AKAP13: variants seen among roughly 807,000 people sequenced by gnomAD.
The protein encoded by AKAP13 is A-kinase anchoring protein 13.
In AKAP13, 80 loss-of-function variants were observed where a neutral mutation model predicts 264.5. That is an observed-to-expected ratio of 0.30 (90% CI 0.25 to 0.36). The LOEUF is 0.36. AKAP13 is among the 10% of genes least tolerant of loss of function. The pLI, the probability that AKAP13 is intolerant of heterozygous loss-of-function variation, is 1.00. For missense variants in AKAP13, 3,712 were observed against 3,435.2 expected (o/e 1.08, Z -2.01); for synonymous variants, 1,380 against 1,250.2 (o/e 1.10, Z -2.19).
At chr15:85,522,056 GATGT>G (rs1445265130) in intron 3 of AKAP13, among the ~76,000 whole-genome samples, 1 of 152,100 alleles carries the variant, frequency 6.6e-6, no homozygotes, top group African/African-American at 2.4e-5. Flanking sequence ...TGTTTCCTGT[GATGT>G]ATATCATATC....
intron 2 of AKAP13, among the ~76,000 whole-genome samples, chr15:85,487,358 A>G (rs1483312019): frequency 1.3e-5 from 2 of 152,228 alleles, no homozygotes; most frequent in Non-Finnish European, 2.9e-5. Flanking sequence ...GAAAGCATCC[A>G]AGCTTTCACC....
At chr15:85,575,017 G>A (rs945600135) in intron 5 of AKAP13, 114 bp from the exon 6 acceptor site, 2 of 912,244 alleles carry the variant, frequency 2.2e-6, no homozygotes, top group Non-Finnish European at 3.4e-6. Context: ...ACTAATTTTT[G>A]CTGTTGAACC....
chr15:85,553,277 AG>A (rs1453707686), intron 5 of AKAP13, among the ~76,000 whole-genome samples: 2 of 152,014 alleles, frequency 1.3e-5, no homozygotes, highest in Non-Finnish European at 2.9e-5. Flanking sequence ...TAGTAGAAAC[AG>A]GGTTTCACCA....
intron 1 of AKAP13, among the ~76,000 whole-genome samples, chr15:85,425,447 G>T (rs181946777): frequency 1.3e-5 from 2 of 152,186 alleles, no homozygotes; most frequent in African/African-American, 4.8e-5. Flanking sequence ...TGGTCCTGGT[G>T]GCTCACACCT....
chr15:85,496,313 T>C (rs2075871662), intron 2 of AKAP13, among the ~76,000 whole-genome samples: 1 of 152,156 alleles, frequency 6.6e-6, no homozygotes, highest in Admixed American at 6.6e-5. Context: ...ATTGGGTTCC[T>C]GTTTACTCCA....
chr15:85,438,539 G>T (rs1459892101), intron 1 of AKAP13, among the ~76,000 whole-genome samples: 1 of 147,194 alleles, frequency 6.8e-6, no homozygotes, highest in East Asian at 2.0e-4. Flanking sequence ...AACAAAGCTG[G>T]AGGCATCACA....
intron 1 of AKAP13, among the ~76,000 whole-genome samples, chr15:85,440,033 C>T (rs1192162712): frequency 6.6e-6 from 1 of 151,864 alleles, no homozygotes; most frequent in East Asian, 1.9e-4. Context: ...GTTAAGGAAG[C>T]ATTTGGAAAT....
chr15:85,660,394 C>T (rs2083291938), intron 12 of AKAP13, among the ~76,000 whole-genome samples: 2 of 134,096 alleles, frequency 1.5e-5, no homozygotes, highest in African/African-American at 2.7e-5. Flanking sequence ...TTATGTCTGT[C>T]TTCCTATCTC....
In AKAP13 at chr15:85,427,112, C is replaced by T. The variant is rs1231725055; in HGVS notation, c.-12+46314C>T. On this transcript the variant is annotated intron_variant, in intron 1 of 36. Transcript: ENST00000394518. Reference sequence around the variant, plus strand: ...CTGGGACTACAGGCGCCCACCACCACGCCCGGCTAATTTTTTGTATTTTTA... The same window carrying T: ...CTGGGACTACAGGCGCCCACCACCATGCCCGGCTAATTTTTTGTATTTTTA... Among the ~76,000 whole-genome samples, 10 of 152,040 alleles carry T rather than the reference C, an allele frequency of 6.6e-5. No homozygotes were observed. The East Asian group carries it at 7.7e-4, about 12-fold the overall frequency.
intron 13 of AKAP13, among the ~76,000 whole-genome samples, chr15:85,667,107 A>G (rs1320951251): frequency 6.6e-6 from 1 of 152,226 alleles, no homozygotes; most frequent in Non-Finnish European, 1.5e-5. Context: ...ATTTCTAATT[A>G]AACAAAAACA....
At position 85,412,794 on chromosome 15, in the gene AKAP13, A is replaced by G. The variant is rs540803482; in HGVS notation, c.-12+31996A>G. ...ATCTTTATAGAAACAACACAGAGGAAAATAATTAGTATCTGCTTTCATAAT... is the reference window on the plus strand; with the variant it reads ...ATCTTTATAGAAACAACACAGAGGAGAATAATTAGTATCTGCTTTCATAAT... On this transcript the variant is annotated intron_variant, in intron 1 of 36. Coordinates refer to ENST00000394518, the MANE Select transcript of AKAP13 (RefSeq NM_007200.5). 3.3e-5 allele frequency among the ~76,000 whole-genome samples: 5 copies of G among 152,352 alleles called. No individual in the cohort carries two copies. In the East Asian group the frequency reaches 7.7e-4, roughly 23 times the overall value.
chr15:85,416,065 G>C (rs192292421), intron 1 of AKAP13, among the ~76,000 whole-genome samples: 5 of 152,288 alleles, frequency 3.3e-5, no homozygotes, highest in Non-Finnish European at 7.3e-5. Flanking sequence ...CAGAAGGATG[G>C]AGCAACTATA....
intron 1 of AKAP13, among the ~76,000 whole-genome samples, chr15:85,479,877 T>C (rs1421061842): frequency 6.6e-6 from 1 of 152,210 alleles, no homozygotes; most frequent in East Asian, 1.9e-4. Context: ...TACATCTGGA[T>C]ACATTCTCAT....
At position 85,655,607 on chromosome 15, in the gene AKAP13, A is replaced by G. The variant is rs763285985; in HGVS notation, c.4565A>G (p.Glu1522Gly). The G allele has an allele frequency of 1.9e-6, 3 of 1,613,546 alleles. No homozygotes were observed. The highest frequency in any genetic ancestry group is 2.7e-5 in the African/African-American group (2 of 75,044). Residue 1522 changes from glutamate (E) to glycine (G), a missense_variant, in exon 11 of 37, where the codon GAA becomes GGA. By Grantham distance (98) the Glu-to-Gly change is moderately conservative. Coordinates refer to ENST00000394518, the MANE Select transcript of AKAP13 (RefSeq NM_007200.5). The stretch of plus-strand genomic sequence containing the variant: ...CATGGGATGGGAGCTGAGGGTCGAG[A>G]AAGTGAGAGTGAGCCTGCTGACCCA... The part of the protein sequence containing the change: ...YSHGMGAEGR[E>G]SESEPADPGD...
intron 1 of AKAP13, among the ~76,000 whole-genome samples, chr15:85,485,098 G>A (rs372398080): frequency 2.0e-5 from 3 of 152,266 alleles, no homozygotes; most frequent in African/African-American, 4.8e-5. Context: ...TTAATGTTCA[G>A]GAATTCAACC....
chr15:85,459,684 A>G (rs1386655775), intron 1 of AKAP13, among the ~76,000 whole-genome samples: 1 of 152,048 alleles, frequency 6.6e-6, no homozygotes, highest in Non-Finnish European at 1.5e-5. Context: ...TATTTTTAGT[A>G]GAGATGGGGT....
intron 16 of AKAP13, among the ~76,000 whole-genome samples, chr15:85,687,224 C>G (rs1375775559): frequency 6.6e-6 from 1 of 152,158 alleles, no homozygotes; most frequent in Non-Finnish European, 1.5e-5. Context: ...CACAACCTCA[C>G]ACAACCTCAC....
rs1299195635 is a variant in AKAP13, at chr15:85,737,311, A to C, written c.7557+1177A>C. Among the ~76,000 whole-genome samples, 4 of 151,934 alleles carry C rather than the reference A, an allele frequency of 2.6e-5. No individual in the cohort carries two copies. In the East Asian group the frequency reaches 7.7e-4, roughly 29 times the overall value. On this transcript the variant is annotated intron_variant, in intron 33 of 36. Coordinates refer to ENST00000394518, the MANE Select transcript of AKAP13 (RefSeq NM_007200.5). ...CCTTCTGGAAGGATGCCCATCCCCC[A>C]TCCCACCCCCAGGACTCCTTGTTGT...
At chr15:85,541,880 A>G (rs913910674) in intron 4 of AKAP13, among the ~76,000 whole-genome samples, 1 of 152,212 alleles carries the variant, frequency 6.6e-6, no homozygotes, top group Non-Finnish European at 1.5e-5. Flanking sequence ...TTGAGAGAGG[A>G]TGTAGTGCAG....
Sources: gnomAD v4.1 joint callset for allele counts (sites outside exome capture counted in the v4.1 genomes callset) on GRCh38, gnomAD v4.1.1 for gene constraint, MANE v1.5 for transcripts, NCBI Gene and HGNC (gene_info 2026-07-23, HGNC 2026-07-21) for gene names.